Variants in WWOX observed in about 807,000 individuals in gnomAD.
The protein encoded by WWOX is WW domain-containing oxidoreductase.
In WWOX, 69 loss-of-function variants were observed where a neutral mutation model predicts 46.2. The observed-to-expected ratio is 1.49, with a 90% CI of 1.23 to 1.82. The LOEUF is 1.82. Ranked by LOEUF, WWOX falls within the 40% of genes most tolerant of loss-of-function variation. WWOX has a pLI of 0.00. For synonymous variants in WWOX, 359 were observed against 202.6 expected, an observed-to-expected ratio of 1.77 and a Z score of -6.56; for missense variants, 919 against 542.6, an observed-to-expected ratio of 1.69 and a Z score of -6.89.
intron 8 of WWOX, among the ~76,000 whole-genome samples, chr16:78,593,189 G>A (rs1302280807): frequency 2.0e-5 from 3 of 148,588 alleles, no homozygotes; most frequent in Non-Finnish European, 4.5e-5. Flanking sequence ...TGATTCTTTT[G>A]AGGATCACTT....
Position 78,952,745 on chromosome 16 carries a change from T to G in WWOX, c.1057-258863T>G, listed in dbSNP as rs140361899. ...ACCTGACAGTACGCTCCGTAGGGCA[T>G]GTGTTTGTTTCGGTTCCCCAACGTA... On this transcript the variant is annotated intron_variant, in intron 8 of 8. Coordinates refer to ENST00000566780, the MANE Select transcript of WWOX (RefSeq NM_016373.4). Among the ~76,000 whole-genome samples the G allele has an allele frequency of 7.2e-5, 11 of 152,284 alleles. No homozygotes were observed. In the East Asian group the frequency reaches 1.9e-3, roughly 27 times the overall value.
chr16:78,715,581 T>A (rs1262207449), intron 8 of WWOX, among the ~76,000 whole-genome samples: 1 of 151,960 alleles, frequency 6.6e-6, no homozygotes, highest in African/African-American at 2.4e-5. Context: ...CCTCTTGGGT[T>A]CAAGCGATTC....
chr16:79,210,128 C>T (rs770331417), intron 8 of WWOX, among the ~76,000 whole-genome samples: 2 of 152,208 alleles, frequency 1.3e-5, no homozygotes, highest in African/African-American at 4.8e-5. Context: ...TTGTCTCACT[C>T]ACGGTCCACA....
At chr16:79,053,840 G>A (rs543599639) in intron 8 of WWOX, among the ~76,000 whole-genome samples, 1 of 152,204 alleles carries the variant, frequency 6.6e-6, no homozygotes, top group African/African-American at 2.4e-5. Context: ...CTTCTATTTA[G>A]GTAGGAAGAG....
At chr16:79,011,104 T>C (rs969290657) in intron 8 of WWOX, among the ~76,000 whole-genome samples, 5 of 151,156 alleles carry the variant, frequency 3.3e-5, no homozygotes, top group African/African-American at 1.2e-4. Context: ...ACATATGATA[T>C]GTATGGTTAC....
At chr16:79,115,948 C>T (rs911514536) in intron 8 of WWOX, among the ~76,000 whole-genome samples, 3 of 152,182 alleles carry the variant, frequency 2.0e-5, no homozygotes, top group Non-Finnish European at 4.4e-5. Flanking sequence ...TCCAGACCAC[C>T]ACAATAAAGC....
intron 5 of WWOX, among the ~76,000 whole-genome samples, chr16:78,330,277 T>C (rs1299221772): frequency 2.0e-5 from 3 of 152,198 alleles, no homozygotes; most frequent in Non-Finnish European, 4.4e-5. Flanking sequence ...GTGGTTAAAA[T>C]GATAAATTTT....
intron 8 of WWOX, among the ~76,000 whole-genome samples, chr16:78,496,951 A>C (rs904337954): frequency 3.3e-5 from 5 of 152,228 alleles, no homozygotes; most frequent in African/African-American, 1.2e-4. Flanking sequence ...ATCCAGAAGG[A>C]GAATGAAATG....
chr16:78,163,909 G>T (rs571793755), intron 4 of WWOX, among the ~76,000 whole-genome samples: 156 of 152,180 alleles, frequency 1.0e-3, no homozygotes, highest in African/African-American at 3.5e-3. Context: ...TTGACAGTCC[G>T]GGCCAGATGG....
chr16:78,598,664 A>G (rs2045549596), intron 8 of WWOX, among the ~76,000 whole-genome samples: 1 of 152,168 alleles, frequency 6.6e-6, no homozygotes, highest in African/African-American at 2.4e-5. Context: ...TTCAAAAATC[A>G]CAGCACTGGT....
intron 8 of WWOX, among the ~76,000 whole-genome samples, chr16:78,764,575 G>A (rs1234324844): frequency 1.5e-5 from 2 of 137,076 alleles, no homozygotes; most frequent in Non-Finnish European, 3.1e-5. Context: ...TCTGTTACTC[G>A]CTCACATGTG....
intron 5 of WWOX, chr16:78,355,412 C>T (rs1351188912): frequency 3.6e-6 from 1 of 273,976 alleles, no homozygotes; most frequent in African/African-American, 2.3e-5. Context: ...ACCATCCTGG[C>T]TAACACGGTG....
chr16:78,961,759 C>A (rs1391786179), intron 8 of WWOX, among the ~76,000 whole-genome samples: 2 of 152,098 alleles, frequency 1.3e-5, no homozygotes, highest in African/African-American at 4.8e-5. Flanking sequence ...ACTTGGGGAA[C>A]TTTATCTTTT....
intron 8 of WWOX, among the ~76,000 whole-genome samples, chr16:78,438,621 T>A (rs1201171217): frequency 6.6e-6 from 1 of 152,212 alleles, no homozygotes; most frequent in Non-Finnish European, 1.5e-5. Flanking sequence ...TGTTGGCAGA[T>A]AACAGTAGAA....
chr16:78,762,285 A>G (rs565239429), intron 8 of WWOX, among the ~76,000 whole-genome samples: 4 of 152,224 alleles, frequency 2.6e-5, no homozygotes, highest in African/African-American at 4.8e-5. Context: ...AGCTTGGTCC[A>G]TGAACCAGCA....
At chr16:78,925,267 G>A (rs1597158466) in intron 8 of WWOX, among the ~76,000 whole-genome samples, 1 of 152,184 alleles carries the variant, frequency 6.6e-6, no homozygotes, top group African/African-American at 2.4e-5. Context: ...GCTGATCATT[G>A]CTGCCACTGG....
At chr16:78,878,305 A>G (rs906843915) in intron 8 of WWOX, among the ~76,000 whole-genome samples, 1 of 152,178 alleles carries the variant, frequency 6.6e-6, no homozygotes, top group Admixed American at 6.5e-5. Context: ...ATGGCCTAGC[A>G]TGACATTGGG....
intron 8 of WWOX, among the ~76,000 whole-genome samples, chr16:78,981,032 G>A (rs2046671165): frequency 6.6e-6 from 1 of 152,150 alleles, no homozygotes; most frequent in Admixed American, 6.6e-5. Flanking sequence ...GTCATCATGG[G>A]GCATTTTTGT....
intron 8 of WWOX, among the ~76,000 whole-genome samples, chr16:78,610,528 T>C (rs1205647236): frequency 1.3e-5 from 2 of 152,182 alleles, no homozygotes; most frequent in African/African-American, 4.8e-5. Flanking sequence ...AAGGAAGCTG[T>C]CTTACCTGGA....
Sources: allele counts gnomAD v4.1 joint callset (sites outside exome capture counted in the v4.1 genomes callset), GRCh38; gene constraint gnomAD v4.1.1; transcripts MANE v1.5; gene names NCBI Gene and HGNC (gene_info 2026-07-23, HGNC 2026-07-21).